The following C10orf90 variants were observed in gnomAD, a reference collection of about 807,000 sequenced individuals.
C10orf90 encodes chromosome 10 open reading frame 90, also known as (E2-independent) E3 ubiquitin-conjugating enzyme FATS.
Under a neutral mutation model 62.5 loss-of-function variants are expected in C10orf90, and 56 were observed. The ratio of observed to expected loss-of-function variants is 0.90; its 90% CI spans 0.72 to 1.12. The LOEUF (loss-of-function observed/expected upper bound fraction) is 1.12. Among genes scored for constraint, C10orf90 ranks in the 50% most tolerant of loss-of-function variants. C10orf90 has a pLI of 0.00. For missense variants in C10orf90, 970 were observed against 880.4 expected (o/e 1.10, Z -1.29); for synonymous variants, 386 against 340.4 (o/e 1.13, Z -1.47).
intron 1 of C10orf90, among the ~76,000 whole-genome samples, chr10:126,660,387 CCTT>C (rs770284743): frequency 1.3e-5 from 2 of 152,252 alleles, no homozygotes; most frequent in Non-Finnish European, 2.9e-5. Flanking sequence ...CAGAGATTCT[CCTT>C]CTGGCCTTGA....
chr10:126,470,927 C>A (rs78348654), intron 4 of C10orf90, among the ~76,000 whole-genome samples: 2 of 152,080 alleles, frequency 1.3e-5, no homozygotes. Flanking sequence ...TATTTCCTCA[C>A]GTGGGATTGG....
chr10:126,549,810 T>C (rs1864586308), intron 2 of C10orf90, among the ~76,000 whole-genome samples: 1 of 151,016 alleles, frequency 6.6e-6, no homozygotes, highest in African/African-American at 2.4e-5. Context: ...CTAAACAAAC[T>C]GGTGCATCCA....
intron 4 of C10orf90, among the ~76,000 whole-genome samples, chr10:126,471,076 A>C (rs985071419): frequency 2.0e-5 from 3 of 152,224 alleles, no homozygotes; most frequent in African/African-American, 7.2e-5. Flanking sequence ...AGGTAGGAGG[A>C]GGCGGATAGC....
intron 2 of C10orf90, among the ~76,000 whole-genome samples, chr10:126,540,931 A>G (rs1864361346): frequency 6.6e-6 from 1 of 152,248 alleles, no homozygotes; most frequent in Non-Finnish European, 1.5e-5. Context: ...GGATAATGTT[A>G]TAGTCCATAT....
intron 1 of C10orf90, among the ~76,000 whole-genome samples, chr10:126,647,123 T>C (rs1182786011): frequency 6.6e-6 from 1 of 152,210 alleles, no homozygotes; most frequent in Admixed American, 6.5e-5. Flanking sequence ...TATGACTGTT[T>C]TGCTGACTTT....
chr10:126,548,130 A>T (rs1400632119), intron 2 of C10orf90, among the ~76,000 whole-genome samples: 1 of 152,244 alleles, frequency 6.6e-6, no homozygotes, highest in African/African-American at 2.4e-5. Context: ...AAACCTATAT[A>T]TAGGCTTAAC....
chr10:126,483,616 TC>T (rs1469705767), intron 4 of C10orf90, among the ~76,000 whole-genome samples: 2 of 152,242 alleles, frequency 1.3e-5, no homozygotes, highest in African/African-American at 4.8e-5. Flanking sequence ...TAAGATGTAT[TC>T]TTATAAGGTA....
At chr10:126,557,010 T>TA (rs200947401) in intron 2 of C10orf90, among the ~76,000 whole-genome samples, 42,198 of 131,742 alleles carry the variant, frequency 0.32, 6,536 homozygotes, top group Middle Eastern at 0.37. Context: ...TTAATCAATT[T>TA]AAAAAAAAAA....
At chr10:126,443,475 G>C (rs1858530994) in intron 7 of C10orf90, among the ~76,000 whole-genome samples, 1 of 152,042 alleles carries the variant, frequency 6.6e-6, no homozygotes, top group African/African-American at 2.4e-5. Flanking sequence ...GGAAGAATTA[G>C]ATACCCTGAA....
chr10:126,437,894 T>A (rs1020183383), intron 7 of C10orf90, among the ~76,000 whole-genome samples: 1 of 152,258 alleles, frequency 6.6e-6, no homozygotes, highest in African/African-American at 2.4e-5. Flanking sequence ...GTCCTTGTTA[T>A]GCAGTTAGTT....
At chr10:126,647,788 A>G (rs1846201337) in intron 1 of C10orf90, among the ~76,000 whole-genome samples, 3 of 152,170 alleles carry the variant, frequency 2.0e-5, no homozygotes, top group Non-Finnish European at 4.4e-5. Flanking sequence ...GAATTCTCCC[A>G]CCTCTCAGAA....
At chr10:126,567,311 A>G (rs1463272660) in intron 2 of C10orf90, among the ~76,000 whole-genome samples, 2 of 152,102 alleles carry the variant, frequency 1.3e-5, no homozygotes, top group Non-Finnish European at 2.9e-5. Context: ...GAGCAGGAGG[A>G]AAAGGATGAA....
At chr10:126,608,258 A>C (rs1845356877) in intron 2 of C10orf90, among the ~76,000 whole-genome samples, 1 of 152,054 alleles carries the variant, frequency 6.6e-6, no homozygotes, top group East Asian at 1.9e-4. Flanking sequence ...ACAGGCACAC[A>C]CTACCATGCC....
chr10:126,580,918 T>C (rs1844736936), intron 2 of C10orf90, among the ~76,000 whole-genome samples: 1 of 138,888 alleles, frequency 7.2e-6, no homozygotes, highest in South Asian at 2.3e-4. Flanking sequence ...GCTAGCCACA[T>C]TGTCAGTTCT....
chr10:126,470,203 AGAG>A (rs749623013), intron 4 of C10orf90: 5 of 387,754 alleles, frequency 1.3e-5, no homozygotes, highest in South Asian at 9.6e-5. Flanking sequence ...TGCATGCTGC[AGAG>A]GAGGAGGGAA....
chr10:126,567,707 C>A (rs1311600310), intron 2 of C10orf90, among the ~76,000 whole-genome samples: 1 of 152,078 alleles, frequency 6.6e-6, no homozygotes, highest in Non-Finnish European at 1.5e-5. Flanking sequence ...GGAAGCCAAG[C>A]AAGGTGGGGA....
intron 2 of C10orf90, among the ~76,000 whole-genome samples, chr10:126,627,562 A>T (rs1406864958): frequency 6.6e-6 from 1 of 152,178 alleles, no homozygotes; most frequent in Non-Finnish European, 1.5e-5. Flanking sequence ...AAAAGGAAAA[A>T]AAAAAGAAAG....
chr10:126,615,078 G>A (rs995660844), intron 2 of C10orf90, among the ~76,000 whole-genome samples: 3 of 152,196 alleles, frequency 2.0e-5, no homozygotes, highest in African/African-American at 7.2e-5. Context: ...AGCTCTCTTA[G>A]TGTTTTCTCA....
chr10:126,577,940 A>G (rs985512573), intron 2 of C10orf90, among the ~76,000 whole-genome samples: 1 of 152,134 alleles, frequency 6.6e-6, no homozygotes, highest in African/African-American at 2.4e-5. Context: ...TATGAGAGAA[A>G]AATGTATCTG....
Sources: allele counts gnomAD v4.1 joint callset (sites outside exome capture counted in the v4.1 genomes callset), GRCh38; gene constraint gnomAD v4.1.1; transcripts MANE v1.5; gene names NCBI Gene and HGNC (gene_info 2026-07-23, HGNC 2026-07-21).